Variants in POFUT3 observed in about 807,000 individuals in gnomAD.
POFUT3 encodes the protein protein O-fucosyltransferase 3.
At chr8:33,450,094 C>A in the POFUT3 span, among the ~76,000 whole-genome samples, 1 of 152,002 alleles carries the variant, frequency 6.6e-6, no homozygotes, top group Non-Finnish European at 1.5e-5. Context: ...TGATGCATGA[C>A]CACGCCCAGC....
the POFUT3 span, among the ~76,000 whole-genome samples, chr8:33,448,524 T>A: frequency 1.3e-5 from 2 of 152,112 alleles, no homozygotes; most frequent in South Asian, 4.1e-4. Flanking sequence ...TGTACTGCAA[T>A]GGTACTAACC....
At chr8:33,308,705 A>T in the POFUT3 span, among the ~76,000 whole-genome samples, 7 of 152,128 alleles carry the variant, frequency 4.6e-5, no homozygotes, top group Non-Finnish European at 7.3e-5. Context: ...TTAATGAAAA[A>T]CAATAGACAG....
chr8:33,309,326 T>A, the POFUT3 span, among the ~76,000 whole-genome samples: 2 of 148,872 alleles, frequency 1.3e-5, no homozygotes, highest in Admixed American at 6.7e-5. Context: ...TTACATGGGA[T>A]AAAGGTTGTT....
chr8:33,431,944 G>A, the POFUT3 span, among the ~76,000 whole-genome samples: 1 of 151,944 alleles, frequency 6.6e-6, no homozygotes, highest in Non-Finnish European at 1.5e-5. Flanking sequence ...TCCCTCTGAG[G>A]GACCACACCA....
the POFUT3 span, among the ~76,000 whole-genome samples, chr8:33,318,897 T>C: frequency 2.1e-5 from 1 of 48,460 alleles, no homozygotes; most frequent in Non-Finnish European, 3.0e-5. Context: ...AATACATAAA[T>C]ATATTTTACA....
At chr8:33,383,067 C>T in the POFUT3 span, among the ~76,000 whole-genome samples, 1 of 152,150 alleles carries the variant, frequency 6.6e-6, no homozygotes, top group African/African-American at 2.4e-5. Context: ...CCTTCCTTAC[C>T]TGGAAGGAAT....
At chr8:33,434,438 G>A in the POFUT3 span, among the ~76,000 whole-genome samples, 5 of 152,234 alleles carry the variant, frequency 3.3e-5, no homozygotes, top group South Asian at 1.0e-3. Flanking sequence ...GAACAGAAAG[G>A]AAGTCCCAGA....
the POFUT3 span, among the ~76,000 whole-genome samples, chr8:33,416,830 C>CAAAAAAAAA: frequency 6.8e-5 from 3 of 44,344 alleles, no homozygotes; most frequent in Non-Finnish European, 1.1e-4. Context: ...TGGGCGACGA[C>CAAAAAAAAA]AAAAAAAAAA....
At chr8:33,314,185 G>A in the POFUT3 span, among the ~76,000 whole-genome samples, 2 of 152,106 alleles carry the variant, frequency 1.3e-5, no homozygotes, top group South Asian at 2.1e-4. Context: ...TTCGTCTCTT[G>A]CCAGAGGTGA....
At chr8:33,361,328 T>C in the POFUT3 span, 1 of 152,192 alleles carries the variant, frequency 6.6e-6, no homozygotes, top group African/African-American at 2.4e-5. Context: ...TAAACACTGG[T>C]ATAAAAATTA....
At chr8:33,413,275 A>G in the POFUT3 span, among the ~76,000 whole-genome samples, 34 of 152,066 alleles carry the variant, frequency 2.2e-4, no homozygotes, top group Non-Finnish European at 3.7e-4. Flanking sequence ...ATGACACTGG[A>G]GCCCTTATGA....
At chr8:33,334,091 T>G in the POFUT3 span, among the ~76,000 whole-genome samples, 48 of 152,320 alleles carry the variant, frequency 3.2e-4, no homozygotes, top group African/African-American at 1.0e-3. Context: ...GCCAACAAGC[T>G]GAAAGTTACC....
chr8:33,417,115 C>A, the POFUT3 span, among the ~76,000 whole-genome samples: 4 of 152,166 alleles, frequency 2.6e-5, no homozygotes, highest in Non-Finnish European at 4.4e-5. Context: ...GTCAGATCAG[C>A]AGCAGCATTA....
At chr8:33,370,091 G>C in the POFUT3 span, among the ~76,000 whole-genome samples, 1 of 147,050 alleles carries the variant, frequency 6.8e-6, no homozygotes, top group African/African-American at 2.5e-5. Context: ...CAGCACTTTA[G>C]GAGGCCGAGG....
chr8:33,318,439 T>C, the POFUT3 span, among the ~76,000 whole-genome samples: 9 of 142,778 alleles, frequency 6.3e-5, no homozygotes, highest in Non-Finnish European at 1.3e-4. Context: ...TATATATGTA[T>C]TTATATGTGT....
At chr8:33,369,956 A>T in the POFUT3 span, among the ~76,000 whole-genome samples, 2 of 152,022 alleles carry the variant, frequency 1.3e-5, no homozygotes, top group East Asian at 3.9e-4. Flanking sequence ...TTAGGCGAAG[A>T]CTATTAACTA....
the POFUT3 span, among the ~76,000 whole-genome samples, chr8:33,399,525 T>G: frequency 6.6e-6 from 1 of 152,274 alleles, no homozygotes; most frequent in South Asian, 2.1e-4. Flanking sequence ...TTCCTCATCT[T>G]CCAAGACAGG....
the POFUT3 span, among the ~76,000 whole-genome samples, chr8:33,365,707 T>C: frequency 6.6e-6 from 1 of 152,208 alleles, no homozygotes; most frequent in African/African-American, 2.4e-5. Flanking sequence ...CACAATGAGA[T>C]ACCATCTCAT....
At chr8:33,374,229 T>C in the POFUT3 span, among the ~76,000 whole-genome samples, 3 of 152,138 alleles carry the variant, frequency 2.0e-5, no homozygotes, top group South Asian at 2.1e-4. Flanking sequence ...TGTGGAAAAA[T>C]TGTCTCCCAC....
Sources: gnomAD v4.1 joint callset for allele counts (sites outside exome capture counted in the v4.1 genomes callset) on GRCh38, gnomAD v4.1.1 for gene constraint, MANE v1.5 for transcripts, NCBI Gene and HGNC (gene_info 2026-07-23, HGNC 2026-07-21) for gene names.